The following GTF2H3 variants were observed in gnomAD, a reference collection of about 807,000 sequenced individuals.
GTF2H3 encodes the protein TFIIH basal transcription factor complex p34 subunit.
In GTF2H3, 42 loss-of-function variants were observed where a neutral mutation model predicts 51.1. The observed-to-expected ratio is 0.82, with a 90% CI of 0.64 to 1.06. The LOEUF is 1.06. Among genes scored for constraint, GTF2H3 ranks in the 50% least tolerant of loss-of-function variants. GTF2H3 has a pLI of 0.00. For missense variants in GTF2H3, 326 were observed against 366.1 expected, an observed-to-expected ratio of 0.89 and a Z score of 0.89; for synonymous variants, 123 against 123.8, an observed-to-expected ratio of 0.99 and a Z score of 0.04.
In GTF2H3 at chr12:123,638,467, G is replaced by A. The variant is rs570812044; in HGVS notation, c.14-797G>A. ...ATCACAGGCATGAGCCACCGCGCCC[G>A]GCCCTAATTTTTATATTTTTAGTAG... is the stretch of plus-strand genomic sequence containing the variant. On this transcript the variant is annotated intron_variant, in intron 1 of 12. Coordinates refer to ENST00000543341, the MANE Select transcript of GTF2H3 (RefSeq NM_001516.5). Among the ~76,000 whole-genome samples the A allele has an allele frequency of 5.9e-5, 9 of 151,854 alleles. No individual in the cohort carries two copies. In the East Asian group the frequency reaches 9.7e-4, roughly 16 times the overall value.
chr12:123,653,750 G>A (rs1955548996), intron 7 of GTF2H3, among the ~76,000 whole-genome samples: 1 of 152,144 alleles, frequency 6.6e-6, no homozygotes, highest in South Asian at 2.1e-4. Context: ...TGATGTTGGG[G>A]ATTGCTTATT....
chr12:123,642,955 A>G (rs1334420620), intron 2 of GTF2H3, among the ~76,000 whole-genome samples: 1 of 152,018 alleles, frequency 6.6e-6, no homozygotes, highest in African/African-American at 2.4e-5. Flanking sequence ...GCTTACCGCA[A>G]TCTCCACCTC....
At position 123,641,632 on chromosome 12, in the gene GTF2H3, C is replaced by T. The variant is rs187285327; in HGVS notation, c.93+2289C>T. On this transcript the variant is annotated intron_variant, in intron 2 of 12. Transcript: ENST00000543341. ...GTGTGAGCCACCATGCCCATTTCCC[C>T]ATATTTTGATAGCAGCAGTTAGTGT... Among the ~76,000 whole-genome samples the T allele has an allele frequency of 2.9e-3, 434 of 151,216 alleles. 2 individuals carry two copies. The highest frequency in any genetic ancestry group is 8.9e-3 in the African/African-American group (365 of 41,014).
chr12:123,655,502 G>A (rs1955575381), intron 8 of GTF2H3: 2 of 416,328 alleles, frequency 4.8e-6, no homozygotes, highest in African/African-American at 2.0e-5. Context: ...GTTCTCTGTT[G>A]TGGAGTGGCA....
chr12:123,639,832 G>A (rs768559044), intron 2 of GTF2H3: 30 of 360,562 alleles, frequency 8.3e-5, no homozygotes, highest in Admixed American at 3.2e-4. Flanking sequence ...GAAACTATCA[G>A]TGCAATCTAC....
intron 4 of GTF2H3, chr12:123,648,348 G>A (rs1234793740): frequency 2.7e-6 from 1 of 371,840 alleles, no homozygotes; most frequent in East Asian, 4.7e-5. Flanking sequence ...TGGCTTCTAC[G>A]AATGCCCTGT....
Position 123,648,100 on chromosome 12 carries a change from A to G in GTF2H3, c.338A>G (p.Glu113Gly). The G allele has an allele frequency of 6.2e-7, 1 of 1,607,078 alleles. No homozygotes were observed. The highest frequency in any genetic ancestry group is 1.3e-5 in the African/African-American group (1 of 74,804). The stretch of plus-strand genomic sequence containing the variant: ...ACCTCAGCAAATGAAGTTATTGTTG[A>G]AGAGATTAAAGATCTAATGACCAAA... Reference protein sequence around the residue: ...LLTSANEVIVEEIKDLMTKSD... With the variant: ...LLTSANEVIVGEIKDLMTKSD... Residue 113 changes from glutamate (E) to glycine (G), a missense_variant, in exon 4 of 13, where the codon GAA becomes GGA. By Grantham distance (98) the Glu-to-Gly change is moderately conservative. Coordinates refer to ENST00000543341, the MANE Select transcript of GTF2H3 (RefSeq NM_001516.5).
intron 7 of GTF2H3, among the ~76,000 whole-genome samples, chr12:123,654,173 GTGTA>G (rs1402220238): frequency 1.3e-5 from 2 of 149,644 alleles, no homozygotes; most frequent in African/African-American, 2.5e-5. Context: ...TTTTGGGTGT[GTGTA>G]TGTATTTGGG....
rs1259491504 is a variant in GTF2H3 at position 123,633,838 on chromosome 12, G to T, written c.-22G>T. 8 of 1,612,654 alleles carry T rather than the reference G, an allele frequency of 5.0e-6. No homozygotes were observed. The highest frequency in any genetic ancestry group is 2.2e-5 in the East Asian group (1 of 44,884). ...CGCTCCCCTGACCACCACTTGCTCT[G>T]CGCTGAGGTGCTGGGACAGCCATGG... On this transcript the variant is annotated 5_prime_UTR_variant, in exon 1 of 13. Transcript: ENST00000543341.
chr12:123,652,674 G>C, intron 6 of GTF2H3, 33 bp from the exon 7 acceptor site: 1 of 1,541,212 alleles, frequency 6.5e-7, no homozygotes, highest in Non-Finnish European at 8.9e-7. Flanking sequence ...GTAAGATTTA[G>C]TTAAATTTTT....
intron 1 of GTF2H3, among the ~76,000 whole-genome samples, chr12:123,638,592 G>A (rs1441573109): frequency 6.6e-6 from 1 of 152,098 alleles, no homozygotes; most frequent in Non-Finnish European, 1.5e-5. Flanking sequence ...CTACAGGCCT[G>A]TGCCACCACA....
intron 9 of GTF2H3, among the ~76,000 whole-genome samples, chr12:123,656,577 C>T (rs1955590092): frequency 6.6e-6 from 1 of 152,120 alleles, no homozygotes; most frequent in African/African-American, 2.4e-5. Flanking sequence ...TACGTAGTAC[C>T]TCCTCTTGGA....
intron 9 of GTF2H3, among the ~76,000 whole-genome samples, chr12:123,658,840 A>G (rs990477398): frequency 2.0e-5 from 3 of 152,262 alleles, no homozygotes; most frequent in Non-Finnish European, 2.9e-5. Context: ...TTCTGATTAT[A>G]TAAAGAACTC....
intron 1 of GTF2H3, among the ~76,000 whole-genome samples, chr12:123,635,118 A>G (rs1955259493): frequency 6.6e-6 from 1 of 152,222 alleles, no homozygotes; most frequent in Admixed American, 6.5e-5. Flanking sequence ...AGCGAACTAA[A>G]GAAGGAAATT....
At chr12:123,656,852 C>T (rs2135799555) in intron 9 of GTF2H3, among the ~76,000 whole-genome samples, 1 of 152,290 alleles carries the variant, frequency 6.6e-6, no homozygotes, top group East Asian at 1.9e-4. Flanking sequence ...TTGGGAGGCT[C>T]AGGCGGGTGG....
chr12:123,640,559 A>G (rs1024542223), intron 2 of GTF2H3, among the ~76,000 whole-genome samples: 4 of 151,936 alleles, frequency 2.6e-5, no homozygotes, highest in Non-Finnish European at 5.9e-5. Context: ...GCTGATCTCG[A>G]ACTCCTAAAC....
At chr12:123,649,863 C>T (rs1186258391) in intron 4 of GTF2H3, 2 of 152,034 alleles carry the variant, frequency 1.3e-5, no homozygotes, top group East Asian at 1.9e-4. Flanking sequence ...AATTGCATAC[C>T]CAAAAGTACT....
At chr12:123,648,646 C>A (rs1338472840) in intron 4 of GTF2H3, among the ~76,000 whole-genome samples, 1 of 152,128 alleles carries the variant, frequency 6.6e-6, no homozygotes, top group Non-Finnish European at 1.5e-5. Flanking sequence ...TCACTCACAC[C>A]ACCATTTCCA....
Position 123,652,690 on chromosome 12 carries a change from C to G in GTF2H3, c.458-17C>G. 6.5e-7 allele frequency: 1 copy of G among 1,532,570 alleles called. No homozygotes were observed. Among genetic ancestry groups the G allele is most frequent in the Non-Finnish European group, 8.9e-7 (1 of 1,127,424 alleles). 94.9% of individuals were successfully genotyped at this position (1,532,570 alleles called of 1,614,324 possible). On this transcript the variant is annotated splice_polypyrimidine_tract_variant and intron_variant, in intron 6 of 12. Transcript: ENST00000543341. Reference sequence around the variant, plus strand: ...TAAGATTTAGTTAAATTTTTTTCTGCTTTTTTCTCTTTGTAGACAATCAGG... The same window carrying G: ...TAAGATTTAGTTAAATTTTTTTCTGGTTTTTTCTCTTTGTAGACAATCAGG...
Sources: gnomAD v4.1 joint callset for allele counts (sites outside exome capture counted in the v4.1 genomes callset) on GRCh38, gnomAD v4.1.1 for gene constraint, MANE v1.5 for transcripts, NCBI Gene and HGNC (gene_info 2026-07-23, HGNC 2026-07-21) for gene names.